Variants in GLRB observed in about 807,000 individuals in gnomAD.
GLRB encodes glycine receptor beta, also known as glycine receptor subunit beta.
A neutral mutation model predicts 54.2 loss-of-function variants in GLRB; 33 were observed. The ratio of observed to expected loss-of-function variants is 0.61; its 90% CI spans 0.46 to 0.81. The LOEUF (loss-of-function observed/expected upper bound fraction) is 0.81, where lower values mean the gene tolerates loss of function less well. Ranked by LOEUF, GLRB falls within the 40% of genes least tolerant of loss-of-function variation. The pLI is 0.00. For missense variants in GLRB, 572 were observed against 584.6 expected, an observed-to-expected ratio of 0.98 and a Z score of 0.22; for synonymous variants, 209 against 208.2, an observed-to-expected ratio of 1.00 and a Z score of -0.03.
In GLRB at chr4:157,170,784, T is replaced by C. The variant is rs2126638358; in HGVS notation, c.*56T>C. 1 of 980,810 alleles carries C rather than the reference T, an allele frequency of 1.0e-6. No individual in the cohort carries two copies. The highest frequency in any genetic ancestry group is 1.9e-5 in the South Asian group (1 of 53,826). 60.8% of individuals were successfully genotyped at this position (980,810 alleles called of 1,614,324 possible). On this transcript the variant is annotated 3_prime_UTR_variant, in exon 10 of 10. Coordinates refer to ENST00000264428, the MANE Select transcript of GLRB (RefSeq NM_000824.5). ...TCCATTTCATTGTGACCTACTCCTT[T>C]CATAAATGCCAATCTGTGAGAACTT...
chr4:157,138,026 T>C (rs1736468495), intron 6 of GLRB, among the ~76,000 whole-genome samples: 1 of 152,198 alleles, frequency 6.6e-6, no homozygotes, highest in Non-Finnish European at 1.5e-5. Context: ...ATTGGCCTTC[T>C]ATGGTGATGC....
chr4:157,081,169 TTTAAA>T (rs1430629475), intron 2 of GLRB, among the ~76,000 whole-genome samples: 1 of 152,204 alleles, frequency 6.6e-6, no homozygotes, highest in Non-Finnish European at 1.5e-5. Flanking sequence ...AGAAATACAC[TTTAAA>T]TTAATAAAAA....
In GLRB at chr4:157,138,943, G is replaced by C. The variant is rs1174129188; in HGVS notation, c.745G>C (p.Gly249Arg). Residue 249 changes from glycine to arginine, a missense_variant, in exon 7 of 10, where the codon GGC (glycine) becomes CGC (arginine). Gly to Arg is a moderately radical substitution (Grantham distance 125). Transcript: ENST00000264428. Reference sequence around the variant, plus strand: ...TGGTAACTGTACAAAATACTATAAAGGCACGGGTAAGTAATATTCTTTAAA... The same window carrying C: ...TGGTAACTGTACAAAATACTATAAACGCACGGGTAAGTAATATTCTTTAAA... ...EYGNCTKYYKGTGYYTCVEVI... is the reference protein window; with the variant it reads ...EYGNCTKYYKRTGYYTCVEVI... 15 of 1,415,950 alleles carry C rather than the reference G, an allele frequency of 1.1e-5. No individual in the cohort carries two copies. Among genetic ancestry groups the C allele is most frequent in the African/African-American group, 2.8e-5 (2 of 71,060 alleles). 87.7% of individuals were successfully genotyped at this position (1,415,950 alleles called of 1,614,324 possible). A position where few individuals can be genotyped will look rare whatever the true frequency, so the allele number is the denominator to read the frequency against.
intron 8 of GLRB, among the ~76,000 whole-genome samples, chr4:157,145,477 A>G (rs967053419): frequency 5.9e-5 from 9 of 152,182 alleles, no homozygotes; most frequent in Non-Finnish European, 8.8e-5. Flanking sequence ...AATGAGCTAC[A>G]TTTTTATATT....
chr4:157,079,264 T>C (rs775723545), intron 2 of GLRB, among the ~76,000 whole-genome samples: 1 of 152,232 alleles, frequency 6.6e-6, no homozygotes, highest in Non-Finnish European at 1.5e-5. Flanking sequence ...ATTTCTCAAA[T>C]GTAATATTGA....
chr4:157,165,983 A>C (rs895439041), intron 9 of GLRB, among the ~76,000 whole-genome samples: 2 of 152,062 alleles, frequency 1.3e-5, no homozygotes, highest in Non-Finnish European at 2.9e-5. Context: ...GGATGCCATT[A>C]TTGACATGAA....
At chr4:157,113,663 G>A (rs1163086282) in intron 2 of GLRB, among the ~76,000 whole-genome samples, 3 of 151,838 alleles carry the variant, frequency 2.0e-5, no homozygotes, top group African/African-American at 7.2e-5. Context: ...AGCTAGAGAA[G>A]ATTTGAAAAT....
Position 157,136,680 on chromosome 4 carries a change from A to G in GLRB, c.509A>G (p.Asp170Gly), listed in dbSNP as rs376393491. The G allele has an allele frequency of 6.2e-7, 1 of 1,605,202 alleles. No individual in the cohort carries two copies. The highest frequency in any genetic ancestry group is 1.3e-5 in the African/African-American group (1 of 74,764). The part of the protein sequence containing the change: ...NILLFIFRDG[D>G]VLVSMRLSIT... ...CTCCTCTTTATTTTTCGTGATGGAG[A>G]TGTCCTTGTCAGCATGAGGTACTCT... is the stretch of plus-strand genomic sequence containing the variant. The change falls in exon 5 of 10, where the codon GAT (aspartate) becomes GGT (glycine). Residue 170 changes from aspartate (D) to glycine (G), a missense_variant. Physicochemically the swap from Asp to Gly is moderately conservative, Grantham distance 94. Transcript: ENST00000264428.
chr4:157,139,635 A>C (rs1736537959), intron 7 of GLRB, among the ~76,000 whole-genome samples: 1 of 152,050 alleles, frequency 6.6e-6, no homozygotes, highest in African/African-American at 2.4e-5. Flanking sequence ...TGAGGGTTTT[A>C]GATACTGAAT....
At chr4:157,123,938 T>C (rs1329575914) in intron 4 of GLRB, among the ~76,000 whole-genome samples, 1 of 151,708 alleles carries the variant, frequency 6.6e-6, no homozygotes, top group African/African-American at 2.4e-5. Context: ...GATCTTTTTT[T>C]CTTCTTTGCA....
intron 2 of GLRB, among the ~76,000 whole-genome samples, chr4:157,097,996 G>C (rs1560940274): frequency 6.6e-6 from 1 of 152,126 alleles, no homozygotes; most frequent in African/African-American, 2.4e-5. Flanking sequence ...TTTCCAGCCT[G>C]GGGGACAAGA....
At chr4:157,078,990 T>G (rs549057517) in intron 2 of GLRB, among the ~76,000 whole-genome samples, 281 of 152,306 alleles carry the variant, frequency 1.8e-3, no homozygotes, top group Middle Eastern at 6.8e-3. Context: ...ACCTGTCTGG[T>G]CTCCAACTCC....
chr4:157,083,794 T>C (rs1450930268), intron 2 of GLRB, among the ~76,000 whole-genome samples: 1 of 152,164 alleles, frequency 6.6e-6, no homozygotes, highest in East Asian at 1.9e-4. Context: ...AAATCTTATT[T>C]TTAAGGTTTG....
At chr4:157,123,765 T>A (rs1017840445) in intron 4 of GLRB, among the ~76,000 whole-genome samples, 4 of 151,706 alleles carry the variant, frequency 2.6e-5, no homozygotes, top group Non-Finnish European at 5.9e-5. Flanking sequence ...ATCTATTTGA[T>A]CTCCACACCC....
chr4:157,144,864 A>G (rs1397108544), intron 8 of GLRB, among the ~76,000 whole-genome samples: 1 of 152,210 alleles, frequency 6.6e-6, no homozygotes, highest in African/African-American at 2.4e-5. Flanking sequence ...GAAAGAAGCC[A>G]TGAAAATGGC....
rs537198026 is a variant in GLRB, at chr4:157,124,804, G to A, written c.297+2407G>A. Among the ~76,000 whole-genome samples the A allele has an allele frequency of 3.8e-3, 575 of 151,742 alleles. 1 individual carries two copies. Among genetic ancestry groups the A allele is most frequent in the African/African-American group, 0.013 (545 of 41,470 alleles). On this transcript the variant is annotated intron_variant, in intron 4 of 9. Coordinates refer to ENST00000264428, the MANE Select transcript of GLRB (RefSeq NM_000824.5). ...ATCTGCCCTTCACTTTATATTGACC[G>A]ACATGCCTAAATGTTTAAGATCAGA...
intron 4 of GLRB, among the ~76,000 whole-genome samples, chr4:157,132,977 A>C (rs1266491977): frequency 6.6e-6 from 1 of 151,746 alleles, no homozygotes; most frequent in African/African-American, 2.4e-5. Flanking sequence ...TATGGCTAGC[A>C]CCTAATGTAG....
At chr4:157,150,584 T>C (rs1166052681) in intron 8 of GLRB, among the ~76,000 whole-genome samples, 2 of 152,080 alleles carry the variant, frequency 1.3e-5, no homozygotes, top group Non-Finnish European at 2.9e-5. Context: ...TTGGCTAATC[T>C]TTTCAAAAAG....
intron 9 of GLRB, among the ~76,000 whole-genome samples, chr4:157,155,372 C>G (rs1040479797): frequency 6.6e-6 from 1 of 152,130 alleles, no homozygotes; most frequent in African/African-American, 2.4e-5. Context: ...CTCAAGTGAT[C>G]CACCTGCTTC....
Sources: gnomAD v4.1 joint callset for allele counts (sites outside exome capture counted in the v4.1 genomes callset) on GRCh38, gnomAD v4.1.1 for gene constraint, MANE v1.5 for transcripts, NCBI Gene and HGNC (gene_info 2026-07-23, HGNC 2026-07-21) for gene names.